Variants in TFEC observed in about 807,000 individuals in gnomAD.
TFEC encodes the protein class E basic helix-loop-helix protein 34.
A neutral mutation model predicts 41.6 loss-of-function variants in TFEC; 31 were observed. The ratio of observed to expected loss-of-function variants is 0.74; its 90% CI spans 0.56 to 1.01. The LOEUF (loss-of-function observed/expected upper bound fraction) is 1.01. Among genes scored for constraint, TFEC ranks in the 50% least tolerant of loss-of-function variants. The pLI is 0.00. For synonymous variants in TFEC, 143 were observed against 140.6 expected (o/e 1.02, Z -0.12); for missense variants, 402 against 404.1 (o/e 0.99, Z 0.04).
chr7:116,046,541 C>G (rs867727644), intron 3 of TFEC, among the ~76,000 whole-genome samples: 1 of 152,090 alleles, frequency 6.6e-6, no homozygotes, highest in Non-Finnish European at 1.5e-5. Context: ...TTCCCAGTCT[C>G]AGATGTGTCT....
At chr7:116,029,991 G>T (rs771548053) in intron 1 of TFEC, among the ~76,000 whole-genome samples, 1 of 151,906 alleles carries the variant, frequency 6.6e-6, no homozygotes, top group Non-Finnish European at 1.5e-5. Context: ...ACTTCAACCC[G>T]GGAGGCAGAC....
intron 3 of TFEC, among the ~76,000 whole-genome samples, chr7:116,098,869 A>AGGAAGGAC (rs1797534932): frequency 1.6e-5 from 1 of 62,050 alleles, no homozygotes; most frequent in African/African-American, 6.1e-5. Context: ...GAGGAAGAAA[A>AGGAAGGAC]GGAAGGAAGG....
intron 1 of TFEC, among the ~76,000 whole-genome samples, chr7:116,135,884 T>C (rs1798423576): frequency 6.6e-6 from 1 of 152,176 alleles, no homozygotes; most frequent in Non-Finnish European, 1.5e-5. Context: ...ATTTAGTTAC[T>C]ACCTTTCTAT....
intron 3 of TFEC, among the ~76,000 whole-genome samples, chr7:115,969,040 AC>A (rs1793008489): frequency 6.6e-6 from 1 of 151,784 alleles, no homozygotes; most frequent in African/African-American, 2.4e-5. Flanking sequence ...TTGCAGTAGT[AC>A]CATGCTACTG....
intron 3 of TFEC, among the ~76,000 whole-genome samples, chr7:115,969,856 A>C (rs1278275918): frequency 6.6e-6 from 1 of 151,960 alleles, no homozygotes; most frequent in Non-Finnish European, 1.5e-5. Context: ...TGTAGATTAC[A>C]AAAACATATT....
At chr7:116,025,432 C>A (rs1363313495) in intron 1 of TFEC, among the ~76,000 whole-genome samples, 2 of 152,076 alleles carry the variant, frequency 1.3e-5, no homozygotes, top group African/African-American at 4.8e-5. Context: ...TAAATCCAAC[C>A]CAAGTTTGAT....
At chr7:116,129,923 A>G (rs961395586) in intron 1 of TFEC, among the ~76,000 whole-genome samples, 4 of 151,700 alleles carry the variant, frequency 2.6e-5, no homozygotes, top group African/African-American at 9.7e-5. Context: ...ATCACCATAA[A>G]CTTTCTATCA....
rs1796852025 is a variant in TFEC at position 116,072,436 on chromosome 7, ATTGT to A, written c.198+38268_198+38271del. 2.0e-5 allele frequency among the ~76,000 whole-genome samples: 3 copies of A among 151,802 alleles called. No homozygotes were observed. The South Asian group carries it at 6.2e-4, about 31-fold the overall frequency. On this transcript the variant is annotated intron_variant, in intron 3 of 8. Coordinates refer to the TFEC transcript ENST00000484212. ...GCATTATTTTTATGCTTTGATATGT[ATTGT>A]TTAACATGAGAAAATCCAAGCATGT...
Position 116,131,339 on chromosome 7 carries a change from T to G in TFEC, c.-68-19301A>C, listed in dbSNP as rs571058156. ...GGCACAAAGACCAGCCACTGTAGACTTCCTTCTGAGGTAATAGGAACCCAC... is the reference window on the plus strand; with the variant it reads ...GGCACAAAGACCAGCCACTGTAGACGTCCTTCTGAGGTAATAGGAACCCAC... On this transcript the variant is annotated intron_variant, in intron 1 of 8. Coordinates refer to the TFEC transcript ENST00000484212. Among the ~76,000 whole-genome samples the G allele has an allele frequency of 3.3e-5, 5 of 152,298 alleles. No homozygotes were observed. The East Asian group carries it at 9.7e-4, about 29-fold the overall frequency.
chr7:116,003,531 T>C (rs1203215094), intron 1 of TFEC, among the ~76,000 whole-genome samples: 1 of 152,108 alleles, frequency 6.6e-6, no homozygotes, highest in Non-Finnish European at 1.5e-5. Context: ...ATGAGTCCAC[T>C]ATTACAGGTG....
intron 1 of TFEC, among the ~76,000 whole-genome samples, chr7:115,997,521 A>G (rs1430430832): frequency 6.7e-6 from 1 of 149,954 alleles, no homozygotes; most frequent in Non-Finnish European, 1.5e-5. Flanking sequence ...TAAAATGAAT[A>G]CCTAACTCTT....
intron 3 of TFEC, among the ~76,000 whole-genome samples, chr7:116,045,420 G>C (rs1020783355): frequency 6.6e-6 from 1 of 152,220 alleles, no homozygotes; most frequent in African/African-American, 2.4e-5. Context: ...GTGCAGCCTA[G>C]GGACTTGGTG....
rs144575293 is a variant in TFEC at position 116,097,009 on chromosome 7, G to A, written c.198+13699C>T. Among the ~76,000 whole-genome samples, 268 of 151,606 alleles carry A rather than the reference G, an allele frequency of 1.8e-3. 1 individual carries two copies. The highest frequency in any genetic ancestry group is 6.1e-3 in the African/African-American group (253 of 41,340). On this transcript the variant is annotated intron_variant, in intron 3 of 8. Coordinates refer to the TFEC transcript ENST00000484212. The stretch of plus-strand genomic sequence containing the variant: ...GGAGGCTGAGGCAGGAGAATCGCTC[G>A]AACCAGGGAGTCGGAGGTTGCAGTG...
chr7:116,130,008 G>T (rs567538872), intron 1 of TFEC, among the ~76,000 whole-genome samples: 2 of 145,584 alleles, frequency 1.4e-5, no homozygotes, highest in South Asian at 2.2e-4. Flanking sequence ...CTGTATTCCT[G>T]TCTATATCAC....
chr7:116,085,256 GACT>G (rs1797176987), intron 3 of TFEC, among the ~76,000 whole-genome samples: 2 of 151,846 alleles, frequency 1.3e-5, no homozygotes, highest in Non-Finnish European at 2.9e-5. Flanking sequence ...GAATGTTTTA[GACT>G]ATGAAAAGGA....
At chr7:116,088,545 A>AT (rs1797252353) in intron 3 of TFEC, among the ~76,000 whole-genome samples, 1 of 152,142 alleles carries the variant, frequency 6.6e-6, no homozygotes. Flanking sequence ...GAGTCAATAT[A>AT]TTTTTTAAAA....
chr7:116,142,031 A>G (rs2116396817), intron 1 of TFEC, among the ~76,000 whole-genome samples: 1 of 152,296 alleles, frequency 6.6e-6, no homozygotes, highest in African/African-American at 2.4e-5. Flanking sequence ...ATCACGAGAT[A>G]CTGGTGCCAT....
At chr7:115,997,909 GA>G (rs1158464523) in intron 1 of TFEC, among the ~76,000 whole-genome samples, 1 of 151,750 alleles carries the variant, frequency 6.6e-6, no homozygotes, top group Non-Finnish European at 1.5e-5. Context: ...GGTCAGAGGG[GA>G]CAAAAGGAAA....
At chr7:116,136,649 A>T (rs543691620) in intron 1 of TFEC, among the ~76,000 whole-genome samples, 2 of 152,026 alleles carry the variant, frequency 1.3e-5, no homozygotes, top group African/African-American at 4.8e-5. Context: ...ATGTTAACTC[A>T]TTGACTTTCA....
Sources: gnomAD v4.1 joint callset for allele counts (sites outside exome capture counted in the v4.1 genomes callset) on GRCh38, gnomAD v4.1.1 for gene constraint, MANE v1.5 for transcripts, NCBI Gene and HGNC (gene_info 2026-07-23, HGNC 2026-07-21) for gene names.